The following SP140 variants were observed in gnomAD, a reference collection of about 807,000 sequenced individuals.
SP140 encodes SP140 nuclear body protein.
Under a neutral mutation model 125.0 loss-of-function variants are expected in SP140, and 81 were observed. The ratio of observed to expected loss-of-function variants is 0.65; its 90% CI spans 0.54 to 0.78. The LOEUF is 0.78. Among genes scored for constraint, SP140 ranks in the 30% least tolerant of loss-of-function variants. SP140 has a pLI of 0.00. For missense variants in SP140, 858 were observed against 1,037.0 expected (o/e 0.83, Z 2.37); for synonymous variants, 312 against 354.0 (o/e 0.88, Z 1.33).
chr2:230,200,870 A>G (rs1425491565), upstream of SP140: 3 of 1,584,680 alleles, frequency 1.9e-6, no homozygotes, highest in Non-Finnish European at 1.7e-6. Context: ...GAGACCAGCA[A>G]TCTCCAAGTT....
rs542190180 is a variant in SP140 at position 230,211,111 on chromosome 2, C to T, written c.-322-2543C>T. On this transcript the variant is annotated intron_variant, in intron 1 of 4. Coordinates refer to the SP140 transcript ENST00000456542. This position sits in a 1 kb window ranked among gnomAD's most constrained non-coding sequence, Gnocchi z 4.2. ...AGCCTGACTCAGTTCCCTTGCTTTC[C>T]CCTGGGGTTCCTGCCACAACCCTTT... is the stretch of plus-strand genomic sequence containing the variant. Among the ~76,000 whole-genome samples the T allele has an allele frequency of 1.1e-3, 161 of 152,316 alleles. No individual in the cohort carries two copies. Among genetic ancestry groups the T allele is most frequent in the African/African-American group, 3.8e-3 (156 of 41,574 alleles).
intron 1 of SP140, among the ~76,000 whole-genome samples, chr2:230,210,990 C>T (rs2044404514): frequency 6.6e-6 from 1 of 152,192 alleles, no homozygotes; most frequent in Non-Finnish European, 1.5e-5. Flanking sequence ...TAGGGCCACA[C>T]AGTGTTTTTG....
chr2:230,259,005 T>C (rs1045871075), intron 12 of SP140, among the ~76,000 whole-genome samples: 1 of 152,194 alleles, frequency 6.6e-6, no homozygotes, highest in African/African-American at 2.4e-5. Flanking sequence ...GCAACTAGGA[T>C]GAGATGTGGC....
intron 15 of SP140, 188 bp downstream of exon 15, chr2:230,270,827 G>T: frequency 1.5e-6 from 1 of 655,772 alleles, no homozygotes; most frequent in Non-Finnish European, 2.8e-6. Flanking sequence ...CATGACAAAA[G>T]GGACTTTACA....
At chr2:230,225,662 G>T, upstream of SP140, 1 of 661,774 alleles carries the variant, frequency 1.5e-6, no homozygotes. Flanking sequence ...ACTGAGAGAC[G>T]TCATGGAGAT....
chr2:230,223,579 C>T (rs1243072550), upstream of SP140, among the ~76,000 whole-genome samples: 1 of 152,094 alleles, frequency 6.6e-6, no homozygotes, highest in East Asian at 1.9e-4. Flanking sequence ...ATGTTGGGCA[C>T]CAGAGGTTGA....
downstream of SP140, among the ~76,000 whole-genome samples, chr2:230,314,920 A>G (rs1575408937): frequency 2.0e-5 from 3 of 152,370 alleles, no homozygotes; most frequent in East Asian, 5.8e-4. Flanking sequence ...GTTCCAGCAT[A>G]ACAGAGGCCA....
chr2:230,212,746 G>A lies in SP140; in HGVS notation c.-322-908G>A, dbSNP rs1297189749. 5 of 1,613,806 alleles carry A rather than the reference G, an allele frequency of 3.1e-6. No individual in the cohort carries two copies. Among genetic ancestry groups the A allele is most frequent in the Non-Finnish European group, 4.2e-6 (5 of 1,179,974 alleles). On this transcript the variant is annotated intron_variant, in intron 1 of 4. Transcript: ENST00000456542. ...GCTGAGGATATACAGGTGTTGGATG[G>A]GATCTGTTTCTCACCTGAAGTGCTT...
intron 1 of SP140, chr2:230,212,270 G>T: frequency 9.4e-7 from 1 of 1,066,882 alleles, no homozygotes; most frequent in Non-Finnish European, 1.5e-6. Flanking sequence ...TCCCACCATA[G>T]CCTCTTGGTT....
At chr2:230,243,933 C>A (rs1464090273) in intron 5 of SP140, 122 bp downstream of exon 5, 1 of 659,002 alleles carries the variant, frequency 1.5e-6, no homozygotes, top group Non-Finnish European at 2.7e-6. Flanking sequence ...CCATTTTGTC[C>A]TTGGATCCTA....
At chr2:230,244,193 T>C (rs896566785) in intron 5 of SP140, among the ~76,000 whole-genome samples, 1 of 152,250 alleles carries the variant, frequency 6.6e-6, no homozygotes, top group African/African-American at 2.4e-5. Context: ...CCAAATATTT[T>C]CCATTGTGTT....
chr2:230,187,851 G>A, the SP140 span, among the ~76,000 whole-genome samples: 369 of 152,194 alleles, frequency 2.4e-3, no homozygotes, highest in African/African-American at 8.4e-3. Context: ...ATTGGTCGAT[G>A]TATCTACTTT....
intron 12 of SP140, among the ~76,000 whole-genome samples, chr2:230,266,407 T>C (rs1442467173): frequency 1.3e-5 from 2 of 152,214 alleles, no homozygotes; most frequent in Non-Finnish European, 2.9e-5. Context: ...GATGCAGGTA[T>C]GAGCTTTGTA....
intron 1 of SP140, among the ~76,000 whole-genome samples, chr2:230,206,593 T>C (rs2148886624): frequency 1.6e-5 from 1 of 63,664 alleles, no homozygotes; most frequent in East Asian, 9.0e-4. Context: ...CTGGTCCAGA[T>C]TTTATATATA....
At chr2:230,249,082 A>G (rs532788468) in intron 9 of SP140, 114 bp downstream of exon 9, 9 of 710,896 alleles carry the variant, frequency 1.3e-5, no homozygotes, top group Middle Eastern at 2.5e-4. Context: ...ATTCGCATAC[A>G]TACAGATGGA....
chr2:230,255,624 C>A (rs2149256541), intron 12 of SP140, 92 bp downstream of exon 12: 1 of 1,096,496 alleles, frequency 9.1e-7, no homozygotes, highest in Non-Finnish European at 1.4e-6. Context: ...CTTTCCTCTG[C>A]ATATACCTCA....
chr2:230,261,431 G>T (rs940001722), intron 12 of SP140, among the ~76,000 whole-genome samples: 3 of 152,064 alleles, frequency 2.0e-5, no homozygotes, highest in Non-Finnish European at 2.9e-5. Flanking sequence ...TTACCAATTT[G>T]GATGCTCTTT....
chr2:230,247,910 C>A lies in SP140; in HGVS notation c.743-6C>A. 1 of 1,608,616 alleles carries A rather than the reference C, an allele frequency of 6.2e-7. No individual in the cohort carries two copies. The highest frequency in any genetic ancestry group is 8.5e-7 in the Non-Finnish European group (1 of 1,178,094). On this transcript the variant is annotated splice_region_variant and splice_polypyrimidine_tract_variant and intron_variant, in intron 7 of 26. Transcript: ENST00000392045. ...CACTCTCAGAGATGCCTTTTTTGAT[C>A]CCTAGTTCTAGAAAGCAACGGGATG...
rs1347579099 is a variant in SP140, at chr2:230,292,693, C to G, written c.1873C>G (p.Pro625Ala). 2 of 1,614,014 alleles carry G rather than the reference C, an allele frequency of 1.2e-6. No homozygotes were observed. Among genetic ancestry groups the G allele is most frequent in the Non-Finnish European group, 8.5e-7 (1 of 1,180,040 alleles). ...GACTGAGGATGGAAAATGGTTCACC[C>G]CCACGGAATTTGAAATCAAAGGAGG... ...IQTEDGKWFTPTEFEIKGGHA... is the reference protein window; with the variant it reads ...IQTEDGKWFTATEFEIKGGHA... Residue 625 changes from proline (P) to alanine (A), a missense_variant, in exon 20 of 27, where the codon CCC becomes GCC. By Grantham distance (27) the Pro-to-Ala change is conservative. Coordinates refer to ENST00000392045, the MANE Select transcript of SP140 (RefSeq NM_007237.5).
Sources: gnomAD v4.1 joint callset for allele counts (sites outside exome capture counted in the v4.1 genomes callset) on GRCh38, gnomAD v4.1.1 for gene constraint, Gnocchi (gnomAD v3.1) non-coding constraint, MANE v1.5 for transcripts, NCBI Gene and HGNC (gene_info 2026-07-23, HGNC 2026-07-21) for gene names.